The following GABRB2 variants were observed in gnomAD, a reference collection of about 807,000 sequenced individuals.
GABRB2 encodes gamma-aminobutyric acid type A receptor subunit beta2, also known as gamma-aminobutyric acid receptor subunit beta-2.
Under a neutral mutation model 54.7 loss-of-function variants are expected in GABRB2, and 16 were observed. That is an observed-to-expected ratio of 0.29 (90% confidence interval 0.20 to 0.44). The LOEUF is 0.44. Among genes scored for constraint, GABRB2 ranks in the 20% least tolerant of loss-of-function variants. The pLI, the probability that GABRB2 is intolerant of heterozygous loss-of-function variation, is 1.00. For missense variants in GABRB2, 355 were observed against 644.0 expected (o/e 0.55, Z 4.86); for synonymous variants, 244 against 233.8 (o/e 1.04, Z -0.40).
chr5:161,486,868 T>C (rs1048454795), intron 3 of GABRB2, among the ~76,000 whole-genome samples: 3 of 151,914 alleles, frequency 2.0e-5, no homozygotes, highest in African/African-American at 7.2e-5. Context: ...ATTTTGGACA[T>C]CATTGAACAT....
intron 3 of GABRB2, among the ~76,000 whole-genome samples, chr5:161,496,139 C>T (rs1236080347): frequency 6.6e-6 from 1 of 152,104 alleles, no homozygotes; most frequent in African/African-American, 2.4e-5. Flanking sequence ...TCAGAGAAAC[C>T]TGGGAGTGAT....
At position 161,294,290 on chromosome 5, in the gene GABRB2, C is replaced by G; in HGVS notation, c.1330G>C (p.Ala444Pro). Reference protein sequence around the residue: ...YDASSIQYRKAGLPRHSFGRN... With the variant: ...YDASSIQYRKPGLPRHSFGRN... ...CCAAAACTATGCCTGGGCAACCCAG[C>G]TTTCCGATACTGGATGCTGGAGGCA... Residue 444 changes from alanine (A) to proline (P), a missense_variant, in exon 10 of 10, where the codon GCT becomes CCT. Around this residue, in one of 6 missense-constraint regions of GABRB2, gnomAD observed 201 missense variants for 228.1 expected, o/e 0.88. Coordinates refer to ENST00000393959, the MANE Select transcript of GABRB2 (RefSeq NM_001371727.1). The G allele has an allele frequency of 6.2e-7, 1 of 1,614,138 alleles. No individual in the cohort carries two copies. Among genetic ancestry groups the G allele is most frequent in the African/African-American group, 1.3e-5 (1 of 75,038 alleles).
chr5:161,522,833 A>G (rs1318974062), intron 3 of GABRB2, among the ~76,000 whole-genome samples: 2 of 151,404 alleles, frequency 1.3e-5, no homozygotes, highest in Non-Finnish European at 3.0e-5. Flanking sequence ...TTAAATTTTA[A>G]TGTGTTTTTC....
intron 9 of GABRB2, among the ~76,000 whole-genome samples, chr5:161,325,062 G>A (rs1258101114): frequency 2.0e-5 from 3 of 152,002 alleles, no homozygotes; most frequent in Admixed American, 6.6e-5. Context: ...TAATCATGTA[G>A]TGTGTTTGAT....
At chr5:161,313,645 A>G (rs1461490686) in intron 9 of GABRB2, among the ~76,000 whole-genome samples, 2 of 152,144 alleles carry the variant, frequency 1.3e-5, no homozygotes, top group Non-Finnish European at 2.9e-5. Flanking sequence ...TTCCTGGTAG[A>G]TATCAACTTC....
intron 4 of GABRB2, among the ~76,000 whole-genome samples, chr5:161,432,937 C>A (rs928051568): frequency 6.7e-6 from 1 of 149,218 alleles, no homozygotes; most frequent in Non-Finnish European, 1.5e-5. Context: ...TCACCTCGTA[C>A]TTTATGGGGA....
chr5:161,513,835 T>C (rs1759853795), intron 3 of GABRB2, among the ~76,000 whole-genome samples: 1 of 152,038 alleles, frequency 6.6e-6, no homozygotes, highest in Admixed American at 6.6e-5. Flanking sequence ...TAAATTTCCT[T>C]CCCAAAAAAC....
At chr5:161,424,962 C>T (rs1033248174) in intron 4 of GABRB2, among the ~76,000 whole-genome samples, 1 of 152,044 alleles carries the variant, frequency 6.6e-6, no homozygotes, top group African/African-American at 2.4e-5. Flanking sequence ...TTTATGACTA[C>T]AGTTGAGGAA....
At chr5:161,383,495 T>A (rs1164632440) in intron 5 of GABRB2, among the ~76,000 whole-genome samples, 1 of 152,200 alleles carries the variant, frequency 6.6e-6, no homozygotes, top group Non-Finnish European at 1.5e-5. Flanking sequence ...CAATTACATT[T>A]ATCTGTTTCT....
chr5:161,418,866 C>T (rs1756761155), intron 4 of GABRB2, among the ~76,000 whole-genome samples: 1 of 152,034 alleles, frequency 6.6e-6, no homozygotes, highest in African/African-American at 2.4e-5. Context: ...ATGGCTCACA[C>T]CTATAATCCC....
intron 5 of GABRB2, among the ~76,000 whole-genome samples, chr5:161,363,866 C>A (rs148381779): frequency 2.1e-4 from 32 of 152,282 alleles, no homozygotes; most frequent in African/African-American, 7.7e-4. Flanking sequence ...AGGCTAGAAT[C>A]ACTGTAGTTG....
chr5:161,354,421 A>G (rs1201760622), intron 5 of GABRB2, among the ~76,000 whole-genome samples: 1 of 152,114 alleles, frequency 6.6e-6, no homozygotes, highest in African/African-American at 2.4e-5. Flanking sequence ...AAGAGAATGA[A>G]TAACAGATGT....
chr5:161,548,370 G>C (rs1761054598), upstream of GABRB2: 1 of 152,270 alleles, frequency 6.6e-6, no homozygotes, highest in Non-Finnish European at 1.5e-5. Flanking sequence ...CCACACCAGC[G>C]GCTCTCCGGG....
intron 4 of GABRB2, among the ~76,000 whole-genome samples, chr5:161,424,852 C>A (rs1406132147): frequency 1.3e-5 from 2 of 152,022 alleles, no homozygotes; most frequent in African/African-American, 4.8e-5. Flanking sequence ...ATTCTTGATG[C>A]CATTAAGACC....
intron 3 of GABRB2, among the ~76,000 whole-genome samples, chr5:161,514,350 T>A (rs190388895): frequency 5.9e-5 from 9 of 152,234 alleles, no homozygotes; most frequent in Admixed American, 2.0e-4. Flanking sequence ...CCTGCTTAGT[T>A]CCTGCACAGA....
At position 161,294,282 on chromosome 5, in the gene GABRB2, C is replaced by A. The variant is rs1757319355; in HGVS notation, c.1338G>T (p.Leu446Phe). Residue 446 changes from leucine to phenylalanine, a missense_variant, in exon 10 of 10, where the codon TTG becomes TTT. This residue lies in a region of GABRB2 where 201 missense variants were observed against 228.1 expected (regional missense o/e 0.88). Coordinates refer to ENST00000393959, the MANE Select transcript of GABRB2 (RefSeq NM_001371727.1). Reference protein sequence around the residue: ...ASSIQYRKAGLPRHSFGRNAL... With the variant: ...ASSIQYRKAGFPRHSFGRNAL... Reference sequence around the variant, plus strand: ...CATTTCGGCCAAAACTATGCCTGGGCAACCCAGCTTTCCGATACTGGATGC... The same window carrying A: ...CATTTCGGCCAAAACTATGCCTGGGAAACCCAGCTTTCCGATACTGGATGC... The A allele has an allele frequency of 1.2e-6, 2 of 1,614,136 alleles. No homozygotes were observed. The highest frequency in any genetic ancestry group is 2.2e-5 in the South Asian group (2 of 91,082).
chr5:161,472,681 A>C (rs1490878585), intron 3 of GABRB2, among the ~76,000 whole-genome samples: 3 of 151,896 alleles, frequency 2.0e-5, no homozygotes, highest in African/African-American at 7.2e-5. Flanking sequence ...GTTTTGGCAG[A>C]GGGTGTACTT....
chr5:161,477,210 C>T (rs969089554), intron 3 of GABRB2, among the ~76,000 whole-genome samples: 1 of 142,924 alleles, frequency 7.0e-6, no homozygotes, highest in Admixed American at 7.1e-5. Flanking sequence ...TATAAAAATG[C>T]AAATCAAAAC....
At chr5:161,388,670 TACA>T (rs1189120545) in intron 5 of GABRB2, among the ~76,000 whole-genome samples, 1 of 152,016 alleles carries the variant, frequency 6.6e-6, no homozygotes, top group African/African-American at 2.4e-5. Flanking sequence ...TCTTATACCA[TACA>T]ACATCTTCCA....
Sources: gnomAD v4.1 joint callset for allele counts (sites outside exome capture counted in the v4.1 genomes callset) on GRCh38, gnomAD v4.1.1 for gene constraint, gnomAD v4.1.1 regional missense constraint, MANE v1.5 for transcripts, NCBI Gene and HGNC (gene_info 2026-07-23, HGNC 2026-07-21) for gene names.